The following NAB2 variants were observed in gnomAD, a reference collection of about 807,000 sequenced individuals.
NAB2 encodes the protein NGFI-A binding protein 2.
A neutral mutation model predicts 44.2 loss-of-function variants in NAB2; 9 were observed. The ratio of observed to expected loss-of-function variants is 0.20; its 90% CI spans 0.12 to 0.36. The LOEUF (loss-of-function observed/expected upper bound fraction) is 0.36. Among genes scored for constraint, NAB2 ranks in the 10% least tolerant of loss-of-function variants. The pLI, the probability that NAB2 is intolerant of heterozygous loss-of-function variation, is 1.00. For missense variants in NAB2, 514 were observed against 709.0 expected (o/e 0.73, Z 3.12); for synonymous variants, 342 against 291.0 (o/e 1.18, Z -1.78).
intron 5 of NAB2, 92 bp from the exon 6 acceptor site, chr12:57,093,315 G>T (rs930823547): frequency 4.6e-5 from 67 of 1,464,520 alleles, no homozygotes; most frequent in Admixed American, 2.5e-4. Context: ...TGGCTGGAGG[G>T]GGGGCAGAAG....
rs374956643 is a variant in NAB2, at chr12:57,091,112, C to G, written c.84-13C>G. ...TGCACCGACTGCCTCTCTCTTGTGC[C>G]CCTCCTTCTCAGGCCCAGTGCCCGA... On this transcript the variant is annotated splice_polypyrimidine_tract_variant and intron_variant, in intron 1 of 6. Transcript: ENST00000300131. This position sits in a 1 kb window ranked among gnomAD's most constrained non-coding sequence, Gnocchi z 7.3. 6.6e-7 allele frequency: 1 copy of G among 1,508,400 alleles called. No individual in the cohort carries two copies. The highest frequency in any genetic ancestry group is 2.3e-5 in the Admixed American group (1 of 44,344). The allele number at this position is 1,508,400 out of a possible 1,614,324, so 93.4% of individuals were successfully genotyped here. A position where few individuals can be genotyped will look rare whatever the true frequency, so the allele number is the denominator to read the frequency against.
intron 1 of NAB2, 101 bp downstream of exon 1, chr12:57,089,455 A>C: frequency 5.8e-5 from 9 of 155,406 alleles, no homozygotes; most frequent in Non-Finnish European, 1.0e-4. Context: ...GTGGGGAAGC[A>C]GGACGGGGGT....
In NAB2 at chr12:57,091,624, G is replaced by A. The variant is rs145415310; in HGVS notation, c.583G>A (p.Val195Ile). 854 of 1,604,788 alleles carry A rather than the reference G, an allele frequency of 5.3e-4. 5 individuals are homozygous for A. In the African/African-American group the frequency reaches 8.7e-3, roughly 16 times the overall value. The change falls in exon 2 of 7, where the codon GTT becomes ATT. Residue 195 changes from valine (V) to isoleucine (I), a missense_variant. Transcript: ENST00000300131. The surrounding 1 kb of genome is among the most constrained non-coding windows in gnomAD (Gnocchi z 7.3). Reference sequence around the variant, plus strand: ...AGGCCGGAGCACTCCAGAGTCGGACGTTGGGGCAGGAGGAGAAGAGGAGGC... The same window carrying A: ...AGGCCGGAGCACTCCAGAGTCGGACATTGGGGCAGGAGGAGAAGAGGAGGC... ...WPGRSTPESD[V>I]GAGGEEEAGS... is the part of the protein sequence containing the mutation.
chr12:57,092,732 T>C, intron 3 of NAB2, 151 bp downstream of exon 3: 1 of 1,314,822 alleles, frequency 7.6e-7, no homozygotes. Context: ...AGGTCTGGTC[T>C]CTCCTCCCAT....
intron 6 of NAB2, among the ~76,000 whole-genome samples, chr12:57,094,030 C>A (rs1460689830): frequency 1.3e-5 from 2 of 151,720 alleles, no homozygotes; most frequent in African/African-American, 2.4e-5. Context: ...AGGGAGTGGG[C>A]AGGCGGAGGG....
chr12:57,091,585 C>T lies in NAB2; in HGVS notation c.544C>T (p.Pro182Ser), dbSNP rs374092045. 7 of 1,605,484 alleles carry T rather than the reference C, an allele frequency of 4.4e-6. No homozygotes were observed. In the African/African-American group the frequency reaches 9.4e-5, roughly 21 times the overall value. ...GCCTGGGGGACCTGGGGCAGGGGAC[C>T]CCCGGATCTGGCCAGGCCGGAGCAC... ...PLPGGPGAGD[P>S]RIWPGRSTPE... Residue 182 changes from proline to serine, a missense_variant, in exon 2 of 7, where the codon CCC becomes TCC. Pro to Ser is a moderately conservative substitution (Grantham distance 74). Transcript: ENST00000300131. This position sits in a 1 kb window ranked among gnomAD's most constrained non-coding sequence, Gnocchi z 7.3.
Position 57,093,403 on chromosome 12 carries a change from A to C in NAB2, c.1277-4A>C. On this transcript the variant is annotated splice_polypyrimidine_tract_variant and splice_region_variant and intron_variant, in intron 5 of 6. Transcript: ENST00000300131. ...CCTTACCTGACCAGTGCCCATGCCC[A>C]CAGCTGTGGGGTCATGTCCAAGGCT... 6.4e-7 allele frequency: 1 copy of C among 1,555,540 alleles called. No homozygotes were observed. The highest frequency in any genetic ancestry group is 8.7e-7 in the Non-Finnish European group (1 of 1,151,908).
At position 57,092,972 on chromosome 12, in the gene NAB2, T is replaced by C. The variant is rs2033224867; in HGVS notation, c.1143+4T>C. On this transcript the variant is annotated splice_donor_region_variant and intron_variant, in intron 4 of 6. Transcript: ENST00000300131. ...ACTGAAGAAGCTGAAACAAGAGGTA[T>C]GTTTTCCGGGGTGCATATAGGGGCA... The C allele has an allele frequency of 1.9e-6, 3 of 1,614,148 alleles. No individual in the cohort carries two copies. Among genetic ancestry groups the C allele is most frequent in the Non-Finnish European group, 2.5e-6 (3 of 1,180,014 alleles).
At chr12:57,094,461 C>T in intron 6 of NAB2, 151 bp from the exon 7 acceptor site, 2 of 688,544 alleles carry the variant, frequency 2.9e-6, no homozygotes, top group Non-Finnish European at 5.2e-6. Flanking sequence ...ATGGAACCCC[C>T]CATACACATG....
At position 57,092,010 on chromosome 12, in the gene NAB2, C is replaced by T. The variant is rs565738219; in HGVS notation, c.957+12C>T. The stretch of plus-strand genomic sequence containing the variant: ...TCAGCCTGCACGAGGTGAGAACCCC[C>T]AGGCCTCCTAGGATTGCCCTTGACT... On this transcript the variant is annotated intron_variant, in intron 2 of 6. Coordinates refer to ENST00000300131, the MANE Select transcript of NAB2 (RefSeq NM_005967.4). 5.0e-6 allele frequency: 8 copies of T among 1,592,924 alleles called. No homozygotes were observed. The East Asian group carries it at 9.0e-5, about 18-fold the overall frequency.
intron 5 of NAB2, 38 bp downstream of exon 5, chr12:57,093,233 G>T (rs765344240): frequency 1.7e-5 from 26 of 1,553,854 alleles, no homozygotes; most frequent in Non-Finnish European, 2.3e-5. Context: ...TTCATTGAGG[G>T]TGGGGGAGTA....
In NAB2 at chr12:57,094,952, A is replaced by AGG. The variant is rs909269569; in HGVS notation, c.*235_*236dup. The AGG allele has an allele frequency of 1.8e-6, 1 of 549,224 alleles. No homozygotes were observed. The highest frequency in any genetic ancestry group is 1.9e-5 in the African/African-American group (1 of 52,312). The allele number at this position is 549,224 out of a possible 1,614,324, so 34.0% of individuals were successfully genotyped here. On this transcript the variant is annotated 3_prime_UTR_variant, in exon 7 of 7. Transcript: ENST00000300131. ...GGTGCCCTCACCCCTGCCCAGAGCG[A>AGG]GGGGGCAAGGACTCTGCCTCCAGGG...
Position 57,091,877 on chromosome 12 carries a change from G to T in NAB2, c.836G>T (p.Gly279Val). Reference sequence around the variant, plus strand: ...AATAAGAAGCTGGCACGGAGCGTTGGGCACATCTTTGAGATGGATGATAAT... The same window carrying T: ...AATAAGAAGCTGGCACGGAGCGTTGTGCACATCTTTGAGATGGATGATAAT... ...KLNKKLARSV[G>V]HIFEMDDNDS... Residue 279 changes from glycine to valine, a missense_variant, in exon 2 of 7, where the codon GGG becomes GTG. Gly to Val is a moderately radical substitution (Grantham distance 109). Coordinates refer to ENST00000300131, the MANE Select transcript of NAB2 (RefSeq NM_005967.4). The surrounding 1 kb of genome is among the most constrained non-coding windows in gnomAD (Gnocchi z 7.3). 6.2e-7 allele frequency: 1 copy of T among 1,614,166 alleles called. No homozygotes were observed.
chr12:57,092,845 C>CT, intron 3 of NAB2, 72 bp from the exon 4 acceptor site: 2 of 1,560,408 alleles, frequency 1.3e-6, no homozygotes, highest in Non-Finnish European at 1.8e-6. Flanking sequence ...ATGCCTCTGG[C>CT]TGGGTTCTGT....
Position 57,089,139 on chromosome 12 carries a change from G to C in NAB2, c.-133G>C, listed in dbSNP as rs2033112203. The C allele has an allele frequency of 2.1e-6, 2 of 934,310 alleles. No homozygotes were observed. The highest frequency in any genetic ancestry group is 1.5e-5 in the South Asian group (1 of 67,546). The allele number at this position is 934,310 out of a possible 1,614,324, so 57.9% of individuals were successfully genotyped here. A position where few individuals can be genotyped will look rare whatever the true frequency, so the allele number is the denominator to read the frequency against. On this transcript the variant is annotated 5_prime_UTR_variant, in exon 1 of 7. Transcript: ENST00000300131. The stretch of plus-strand genomic sequence containing the variant: ...AGACAGAGGCGCGGAGGCTCGGAGA[G>C]AGAAGACGTGGAGGGAGGGACAGAG...
rs576129205 is a variant in NAB2, at chr12:57,092,804, C to T, written c.1092-113C>T. 70 of 1,451,640 alleles carry T rather than the reference C, an allele frequency of 4.8e-5. No homozygotes were observed. The African/African-American group carries it at 8.5e-4, about 18-fold the overall frequency. 89.9% of individuals were successfully genotyped at this position (1,451,640 alleles called of 1,614,324 possible). On this transcript the variant is annotated intron_variant, in intron 3 of 6. Coordinates refer to ENST00000300131, the MANE Select transcript of NAB2 (RefSeq NM_005967.4). ...GCTTGAACTAGAGACTCTTTCTCGGCCAGCTTCTTGGCAAAGGTTTTAAAT... is the reference window on the plus strand; with the variant it reads ...GCTTGAACTAGAGACTCTTTCTCGGTCAGCTTCTTGGCAAAGGTTTTAAAT...
chr12:57,092,117 C>G, intron 2 of NAB2, 119 bp downstream of exon 2: 1 of 1,443,078 alleles, frequency 6.9e-7, no homozygotes, highest in Non-Finnish European at 9.1e-7. Context: ...GACCCCAGGC[C>G]CTGATCCCCT....
At chr12:57,092,313 C>G (rs1388927213) in intron 2 of NAB2, 135 bp from the exon 3 acceptor site, 41 of 1,327,258 alleles carry the variant, frequency 3.1e-5, no homozygotes, top group Non-Finnish European at 4.1e-5. Flanking sequence ...CAGAAAGCTC[C>G]CATGTAGTGT....
At chr12:57,089,468 G>A (rs2033126724) in intron 1 of NAB2, 114 bp downstream of exon 1, 1 of 809,748 alleles carries the variant, frequency 1.2e-6, no homozygotes, top group South Asian at 1.7e-5. Context: ...ACGGGGGTGG[G>A]GGGTGGAGAC....
Sources: allele counts gnomAD v4.1 joint callset (sites outside exome capture counted in the v4.1 genomes callset), GRCh38; gene constraint gnomAD v4.1.1; non-coding constraint Gnocchi (gnomAD v3.1); transcripts MANE v1.5; gene names NCBI Gene and HGNC (gene_info 2026-07-23, HGNC 2026-07-21).